SLC4A4: variants seen among roughly 807,000 people sequenced by gnomAD.
SLC4A4 encodes solute carrier family 4 member 4.
Under a neutral mutation model 111.5 loss-of-function variants are expected in SLC4A4, and 27 were observed. The observed-to-expected ratio is 0.24, with a 90% CI of 0.18 to 0.33. The LOEUF (loss-of-function observed/expected upper bound fraction) is 0.33, where lower values mean the gene tolerates loss of function less well. Ranked by LOEUF, SLC4A4 falls within the 10% of genes least tolerant of loss-of-function variation. The probability of loss-of-function intolerance (pLI) is 1.00; values close to 1 mark genes in which losing one functional copy is unlikely to be tolerated. For missense variants in SLC4A4, 909 were observed against 1,315.5 expected, an observed-to-expected ratio of 0.69 and a Z score of 4.78; for synonymous variants, 443 against 463.4, an observed-to-expected ratio of 0.96 and a Z score of 0.57.
intron 8 of SLC4A4, among the ~76,000 whole-genome samples, chr4:71,443,041 A>T (rs1406101076): frequency 7.3e-6 from 1 of 136,432 alleles, no homozygotes; most frequent in African/African-American, 2.8e-5. Flanking sequence ...TCTTACAGGC[A>T]CTTTGCTTGC....
At chr4:71,524,861 T>G (rs1389829516) in intron 16 of SLC4A4, among the ~76,000 whole-genome samples, 1 of 152,144 alleles carries the variant, frequency 6.6e-6, no homozygotes, top group Non-Finnish European at 1.5e-5. Flanking sequence ...TAAGTTAAAA[T>G]GTACTGAGAG....
chr4:71,216,640 A>C (rs1718444515), intron 1 of SLC4A4, among the ~76,000 whole-genome samples: 1 of 152,210 alleles, frequency 6.6e-6, no homozygotes, highest in Non-Finnish European at 1.5e-5. Flanking sequence ...TAATAAGCTT[A>C]GAAAAGACTT....
intron 1 of SLC4A4, among the ~76,000 whole-genome samples, chr4:71,072,689 T>C (rs1339967000): frequency 2.0e-5 from 3 of 152,156 alleles, no homozygotes; most frequent in Non-Finnish European, 4.4e-5. Flanking sequence ...CTTCATGATG[T>C]TGAATCTTTC....
intron 6 of SLC4A4, among the ~76,000 whole-genome samples, chr4:71,368,320 G>A (rs756784113): frequency 7.9e-5 from 12 of 152,144 alleles, no homozygotes; most frequent in Admixed American, 2.0e-4. Flanking sequence ...TGGCATAGGT[G>A]CACCAAAGGT....
upstream of SLC4A4, among the ~76,000 whole-genome samples, chr4:71,185,682 A>C (rs113942964): frequency 6.9e-3 from 1,057 of 152,338 alleles, 11 homozygotes; most frequent in African/African-American, 0.024. Flanking sequence ...CTTTCCAAGC[A>C]CTGGTGAGGC....
chr4:71,262,189 T>C (rs1372276682), intron 3 of SLC4A4, among the ~76,000 whole-genome samples: 2 of 152,190 alleles, frequency 1.3e-5, no homozygotes, highest in African/African-American at 2.4e-5. Context: ...CTTCTTGAAA[T>C]AGTATTCTGT....
chr4:71,450,236 C>T (rs536907127), intron 9 of SLC4A4, among the ~76,000 whole-genome samples, 153 bp from the exon 10 acceptor site: 4 of 152,074 alleles, frequency 2.6e-5, no homozygotes, highest in Non-Finnish European at 5.9e-5. Flanking sequence ...CCTATATTTT[C>T]GGGGGGCAGG....
intron 8 of SLC4A4, among the ~76,000 whole-genome samples, chr4:71,443,701 A>G (rs1421246159): frequency 6.6e-6 from 1 of 152,212 alleles, no homozygotes; most frequent in African/African-American, 2.4e-5. Flanking sequence ...TGATTTGCAC[A>G]TGTAAGGTAA....
At chr4:71,344,366 G>A (rs900645845) in intron 4 of SLC4A4, among the ~76,000 whole-genome samples, 2 of 152,130 alleles carry the variant, frequency 1.3e-5, no homozygotes, top group African/African-American at 2.4e-5. Context: ...CCTGCTGTCA[G>A]AATGTTTTTG....
chr4:71,286,780 C>G (rs560244284), intron 3 of SLC4A4, among the ~76,000 whole-genome samples: 35 of 152,226 alleles, frequency 2.3e-4, no homozygotes, highest in Non-Finnish European at 4.4e-4. Context: ...TTACTCTAAC[C>G]TTTATTGTTA....
At chr4:71,166,111 G>A (rs2148979808) in intron 2 of SLC4A4, among the ~76,000 whole-genome samples, 1 of 152,270 alleles carries the variant, frequency 6.6e-6, no homozygotes, top group South Asian at 2.1e-4. Context: ...GGAGTGAAAT[G>A]TTATTAAATA....
intron 2 of SLC4A4, among the ~76,000 whole-genome samples, chr4:71,158,429 G>A (rs1744534689): frequency 6.6e-6 from 1 of 152,020 alleles, no homozygotes; most frequent in Admixed American, 6.6e-5. Context: ...CTTACCCAAA[G>A]CTTTTTGAAA....
chr4:71,537,268 T>G (rs1318709519), intron 18 of SLC4A4, among the ~76,000 whole-genome samples: 3 of 118,922 alleles, frequency 2.5e-5, no homozygotes, highest in African/African-American at 9.0e-5. Flanking sequence ...GGTAATGAGT[T>G]AATATATAAT....
chr4:71,516,885 A>G (rs954787670), intron 16 of SLC4A4, among the ~76,000 whole-genome samples: 9 of 152,120 alleles, frequency 5.9e-5, no homozygotes, highest in Admixed American at 5.2e-4. Flanking sequence ...GCCATCTTGC[A>G]TCAGAATCCT....
chr4:71,368,697 A>G (rs1462948503), intron 6 of SLC4A4, among the ~76,000 whole-genome samples: 4 of 152,182 alleles, frequency 2.6e-5, no homozygotes, highest in Non-Finnish European at 5.9e-5. Context: ...TTGATCTTAC[A>G]TCCTGAGATT....
intron 2 of SLC4A4, among the ~76,000 whole-genome samples, chr4:71,127,968 G>A (rs1743603377): frequency 6.6e-6 from 1 of 152,168 alleles, no homozygotes; most frequent in African/African-American, 2.4e-5. Context: ...CAGGACTGTA[G>A]TCTCAGCTAC....
chr4:71,550,617 T>A (rs1285012176), intron 20 of SLC4A4, among the ~76,000 whole-genome samples: 1 of 151,782 alleles, frequency 6.6e-6, no homozygotes, highest in African/African-American at 2.4e-5. Flanking sequence ...TACTTAAGAG[T>A]CTGTCTTTGA....
chr4:71,377,194 A>C (rs1354852963), intron 6 of SLC4A4, among the ~76,000 whole-genome samples: 1 of 152,246 alleles, frequency 6.6e-6, no homozygotes, highest in East Asian at 1.9e-4. Flanking sequence ...AGGTGTTCTG[A>C]GACCAAAAAG....
intron 14 of SLC4A4, among the ~76,000 whole-genome samples, chr4:71,481,392 G>T (rs1728870199): frequency 1.3e-5 from 2 of 151,548 alleles, no homozygotes; most frequent in Admixed American, 1.3e-4. Context: ...GTAGTTCCTG[G>T]GGCCAGGTCA....
Sources: allele counts gnomAD v4.1 joint callset (sites outside exome capture counted in the v4.1 genomes callset), GRCh38; gene constraint gnomAD v4.1.1; transcripts MANE v1.5; gene names NCBI Gene and HGNC (gene_info 2026-07-23, HGNC 2026-07-21).